Variants in SMYD2 observed in about 807,000 individuals in gnomAD.
SMYD2 encodes SET and MYND domain containing 2, also known as N-lysine methyltransferase SMYD2.
Under a neutral mutation model 59.1 loss-of-function variants are expected in SMYD2, and 53 were observed. The ratio of observed to expected loss-of-function variants is 0.90; its 90% CI spans 0.72 to 1.13. The LOEUF (loss-of-function observed/expected upper bound fraction) is 1.13, where lower values mean the gene tolerates loss of function less well. Ranked by LOEUF, SMYD2 falls within the 50% of genes most tolerant of loss-of-function variation. The probability of loss-of-function intolerance (pLI) is 0.00; values close to 1 mark genes in which losing one functional copy is unlikely to be tolerated. For missense variants in SMYD2, 494 were observed against 544.7 expected (o/e 0.91, Z 0.93); for synonymous variants, 208 against 198.8 (o/e 1.05, Z -0.39).
At chr1:214,303,833 G>T (rs1313406033) in intron 1 of SMYD2, among the ~76,000 whole-genome samples, 1 of 152,252 alleles carries the variant, frequency 6.6e-6, no homozygotes, top group African/African-American at 2.4e-5. Flanking sequence ...TGCAGAGGAG[G>T]GGGGACGAGG....
At chr1:214,291,744 A>G (rs1039989611) in intron 1 of SMYD2, among the ~76,000 whole-genome samples, 1 of 152,188 alleles carries the variant, frequency 6.6e-6, no homozygotes, top group African/African-American at 2.4e-5. Context: ...ACCCTGTCTC[A>G]TGACTGACAC....
At chr1:214,309,107 G>T (rs1345103834) in intron 2 of SMYD2, among the ~76,000 whole-genome samples, 1 of 152,160 alleles carries the variant, frequency 6.6e-6, no homozygotes, top group Non-Finnish European at 1.5e-5. Flanking sequence ...TCTTCTGTCT[G>T]CAGTGCTTTC....
chr1:214,330,419 A>T, intron 8 of SMYD2, 141 bp downstream of exon 8: 2 of 575,080 alleles, frequency 3.5e-6, no homozygotes, highest in Non-Finnish European at 6.1e-6. Context: ...GCCAAAGGGA[A>T]TCTAGTTAGA....
At chr1:214,325,353 T>C (rs1657244129) in intron 6 of SMYD2, among the ~76,000 whole-genome samples, 1 of 152,252 alleles carries the variant, frequency 6.6e-6, no homozygotes. Context: ...GGAGTGAGTA[T>C]TTCCAAAATG....
chr1:214,331,798 C>T (rs1032752500), intron 9 of SMYD2: 2 of 526,014 alleles, frequency 3.8e-6, no homozygotes, highest in Non-Finnish European at 6.7e-6. Flanking sequence ...CTGGACCCTG[C>T]GGCTAAAATT....
chr1:214,282,412 G>T (rs1656465700), intron 1 of SMYD2, among the ~76,000 whole-genome samples: 2 of 152,210 alleles, frequency 1.3e-5, no homozygotes, highest in South Asian at 4.1e-4. Flanking sequence ...TACTAAGGCA[G>T]GAGGCATGGC....
intron 1 of SMYD2, among the ~76,000 whole-genome samples, chr1:214,297,458 T>G (rs1656753407): frequency 6.6e-6 from 1 of 152,186 alleles, no homozygotes; most frequent in South Asian, 2.1e-4. Flanking sequence ...TCCAAATGCT[T>G]TGTATAGTCC....
intron 1 of SMYD2, among the ~76,000 whole-genome samples, chr1:214,289,596 A>G (rs1571918766): frequency 6.6e-6 from 1 of 152,310 alleles, no homozygotes; most frequent in East Asian, 1.9e-4. Context: ...TGCTCTTCTC[A>G]CAGACAGCTC....
rs752121860 is a variant in SMYD2 at position 214,334,285 on chromosome 1, G to A, written c.1198G>A (p.Ala400Thr). ...CTACATGGGCCTGGAACACAAAGCC[G>A]CAGGGGAGAAAGCCCTGAAGAAGGT... ...RLYMGLEHKA[A>T]GEKALKKAIA... The change falls in exon 11 of 12, where the codon GCA (alanine) becomes ACA (threonine). Residue 400 changes from alanine (A) to threonine (T), a missense_variant. Coordinates refer to ENST00000366957, the MANE Select transcript of SMYD2 (RefSeq NM_020197.3). 9.3e-6 allele frequency: 15 copies of A among 1,613,596 alleles called. No individual in the cohort carries two copies. In the African/African-American group the frequency reaches 1.3e-4, roughly 14 times the overall value.
At chr1:214,328,315 C>G (rs887477109) in intron 7 of SMYD2, among the ~76,000 whole-genome samples, 1 of 152,118 alleles carries the variant, frequency 6.6e-6, no homozygotes, top group Non-Finnish European at 1.5e-5. Flanking sequence ...ATCAAAAGTC[C>G]AGGTATATGC....
At chr1:214,281,837 T>C (rs1025590143) in intron 1 of SMYD2, among the ~76,000 whole-genome samples, 1 of 152,226 alleles carries the variant, frequency 6.6e-6, no homozygotes, top group Non-Finnish European at 1.5e-5. Flanking sequence ...TAACTTATGC[T>C]TCCTGCGGTG....
intron 6 of SMYD2, 180 bp from the exon 7 acceptor site, chr1:214,327,442 G>A: frequency 7.4e-6 from 4 of 542,746 alleles, no homozygotes; most frequent in South Asian, 6.7e-5. Context: ...AGTGTGAGAT[G>A]GTAGATAGGA....
At chr1:214,320,631 A>G in intron 5 of SMYD2, among the ~76,000 whole-genome samples, 1 of 152,186 alleles carries the variant, frequency 6.6e-6, no homozygotes, top group East Asian at 1.9e-4. Flanking sequence ...GTCTATAAAG[A>G]AAAAAAGTGA....
chr1:214,335,305 G>A (rs759993205), intron 11 of SMYD2, among the ~76,000 whole-genome samples: 2 of 152,214 alleles, frequency 1.3e-5, no homozygotes, highest in Non-Finnish European at 2.9e-5. Context: ...TTTAAACCAT[G>A]GAATTTGTCT....
chr1:214,293,014 TGTGTGTG>T (rs1656661957), intron 1 of SMYD2, among the ~76,000 whole-genome samples: 1 of 296 alleles, frequency 3.4e-3, no homozygotes, highest in Admixed American at 0.071. Context: ...TTTCTGTTTG[TGTGTGTG>T]TGTGTGTGTG....
chr1:214,285,860 A>G (rs1176272746), intron 1 of SMYD2, among the ~76,000 whole-genome samples: 3 of 152,226 alleles, frequency 2.0e-5, no homozygotes, highest in Admixed American at 6.5e-5. Context: ...CTCTTAGGTT[A>G]CAAACCTGTA....
At chr1:214,297,955 A>G (rs1373080284) in intron 1 of SMYD2, among the ~76,000 whole-genome samples, 1 of 152,120 alleles carries the variant, frequency 6.6e-6, no homozygotes, top group African/African-American at 2.4e-5. Flanking sequence ...AAGAACCAAT[A>G]TTGTTAATAT....
chr1:214,297,492 A>G (rs1311292973), intron 1 of SMYD2, among the ~76,000 whole-genome samples: 2 of 152,174 alleles, frequency 1.3e-5, no homozygotes, highest in African/African-American at 2.4e-5. Context: ...GATAGCCCAT[A>G]TGAAGTTTCT....
At chr1:214,301,612 C>CA (rs1656825174) in intron 1 of SMYD2, among the ~76,000 whole-genome samples, 1 of 152,026 alleles carries the variant, frequency 6.6e-6, no homozygotes, top group Non-Finnish European at 1.5e-5. Flanking sequence ...CTATGTTTTC[C>CA]AAAATGCTAA....
Sources: gnomAD v4.1 joint callset for allele counts (sites outside exome capture counted in the v4.1 genomes callset) on GRCh38, gnomAD v4.1.1 for gene constraint, MANE v1.5 for transcripts, NCBI Gene and HGNC (gene_info 2026-07-23, HGNC 2026-07-21) for gene names.